Variants in TRPM8 observed in about 807,000 individuals in gnomAD.
TRPM8 encodes transient receptor potential cation channel subfamily M member 8.
In TRPM8, 110 loss-of-function variants were observed where a neutral mutation model predicts 133.7. The ratio of observed to expected loss-of-function variants is 0.82; its 90% CI spans 0.70 to 0.96. TRPM8 has a LOEUF of 0.96. Ranked by LOEUF, TRPM8 falls within the 40% of genes least tolerant of loss-of-function variation. The probability of loss-of-function intolerance (pLI) is 0.00; values close to 1 mark genes in which losing one functional copy is unlikely to be tolerated. For missense variants in TRPM8, 1,291 were observed against 1,379.5 expected (o/e 0.94, Z 1.02); for synonymous variants, 535 against 532.3 (o/e 1.01, Z -0.07).
chr2:233,952,967 A>C (rs112227352), intron 9 of TRPM8, among the ~76,000 whole-genome samples: 112 of 152,138 alleles, frequency 7.4e-4, no homozygotes, highest in Admixed American at 2.1e-3. Flanking sequence ...TTCAGTCTGA[A>C]CAAAGGCTGC....
At chr2:233,977,228 A>C (rs976998888) in intron 17 of TRPM8, among the ~76,000 whole-genome samples, 9 of 152,198 alleles carry the variant, frequency 5.9e-5, no homozygotes, top group African/African-American at 1.4e-4. Flanking sequence ...AAAATGGATG[A>C]GTCCCATCAT....
intron 4 of TRPM8, 123 bp from the exon 5 acceptor site, chr2:233,938,875 G>T: frequency 3.6e-6 from 4 of 1,098,084 alleles, no homozygotes; most frequent in Non-Finnish European, 5.2e-6. Flanking sequence ...GATCCCTGCT[G>T]CCCCCACCCC....
Position 233,945,876 on chromosome 2 carries a change from C to T in TRPM8, c.720C>T (p.Tyr240=), listed in dbSNP as rs763158931. 1.2e-6 allele frequency: 2 copies of T among 1,613,878 alleles called. No homozygotes were observed. The highest frequency in any genetic ancestry group is 4.5e-5 in the East Asian group (2 of 44,880). Residue 240 remains tyrosine (Y), a synonymous_variant, in exon 7 of 26, where the codon TAC becomes TAT. Coordinates refer to ENST00000324695, the MANE Select transcript of TRPM8 (RefSeq NM_024080.5). ...CDAEGYFLAQ[Y]LMDDFTRDPL... is the part of the protein sequence containing the mutation. ...TTCAGGGCTATTTTTTAGCCCAGTA[C>T]CTTATGGATGACTTCACAAGAGATC...
chr2:233,944,873 GT>G (rs1373951429), intron 6 of TRPM8, among the ~76,000 whole-genome samples: 1 of 152,054 alleles, frequency 6.6e-6, no homozygotes, highest in African/African-American at 2.4e-5. Context: ...CTCATTTGAT[GT>G]TCATAACAAA....
At chr2:234,007,786 GT>G (rs1372028011) in intron 23 of TRPM8, among the ~76,000 whole-genome samples, 3 of 152,170 alleles carry the variant, frequency 2.0e-5, no homozygotes, top group Admixed American at 2.0e-4. Flanking sequence ...TGAGATCTAG[GT>G]TTTGCAAGGG....
chr2:233,926,664 G>A lies in TRPM8; in HGVS notation c.117+10G>A. On this transcript the variant is annotated intron_variant, in intron 2 of 25. Transcript: ENST00000324695. ...GTCTTACAGTGAAAGCGTAAGTCAT[G>A]CGCATCACCTGTTTGAAAGGTTATC... 1 of 1,596,150 alleles carries A rather than the reference G, an allele frequency of 6.3e-7. No individual in the cohort carries two copies. The highest frequency in any genetic ancestry group is 8.6e-7 in the Non-Finnish European group (1 of 1,163,716).
rs542791287 is a variant in TRPM8, at chr2:233,989,802, A to G, written c.2939+3937A>G. ...TTATTCTACATTAAAATTATCGATC[A>G]CAGGGCCTGTGTGGCTTATCAGCGG... On this transcript the variant is annotated intron_variant, in intron 21 of 25. Transcript: ENST00000324695. The surrounding 1 kb of genome is among the most constrained non-coding windows in gnomAD (Gnocchi z 4.2). 7.2e-5 allele frequency among the ~76,000 whole-genome samples: 11 copies of G among 152,326 alleles called. No individual in the cohort carries two copies. Among genetic ancestry groups the G allele is most frequent in the African/African-American group, 2.2e-4 (9 of 41,574 alleles).
At chr2:233,998,326 G>T (rs979635192) in intron 22 of TRPM8, among the ~76,000 whole-genome samples, 1 of 152,160 alleles carries the variant, frequency 6.6e-6, no homozygotes, top group African/African-American at 2.4e-5. Flanking sequence ...CACCAACTAA[G>T]TCATACAATA....
chr2:233,938,008 C>A (rs538261836), intron 4 of TRPM8, among the ~76,000 whole-genome samples: 2 of 152,336 alleles, frequency 1.3e-5, no homozygotes, highest in South Asian at 2.1e-4. Flanking sequence ...TCCTGCAGGG[C>A]CTGGGCCTCT....
intron 17 of TRPM8, among the ~76,000 whole-genome samples, chr2:233,978,806 A>AC (rs1263463032): frequency 6.6e-6 from 1 of 152,146 alleles, no homozygotes; most frequent in Non-Finnish European, 1.5e-5. Flanking sequence ...TGCTGCCCCA[A>AC]CCTGGGGGAT....
chr2:234,008,301 C>T (rs548398460), intron 24 of TRPM8, among the ~76,000 whole-genome samples, 198 bp downstream of exon 24: 1 of 152,324 alleles, frequency 6.6e-6, no homozygotes, highest in East Asian at 1.9e-4. Flanking sequence ...TGAAGTCCCA[C>T]TTCCATGATG....
In TRPM8 at chr2:233,966,334, A is replaced by G. The variant is rs1039461375; in HGVS notation, c.1880-276A>G. On this transcript the variant is annotated intron_variant, in intron 14 of 25. Transcript: ENST00000324695. ...GCCTGAGCCCAGATGGAAGCCCATC[A>G]AAGAGAGGGGCTCCCTCTGTCCAAT... 3.9e-5 allele frequency among the ~76,000 whole-genome samples: 6 copies of G among 152,268 alleles called. No homozygotes were observed. The East Asian group carries it at 1.2e-3, about 29-fold the overall frequency.
chr2:234,010,576 C>A (rs1452591661), intron 24 of TRPM8, among the ~76,000 whole-genome samples: 1 of 152,130 alleles, frequency 6.6e-6, no homozygotes, highest in East Asian at 1.9e-4. Flanking sequence ...TCCATAATAG[C>A]TATATCAACT....
intron 5 of TRPM8, among the ~76,000 whole-genome samples, chr2:233,941,078 G>T (rs1437806133): frequency 1.3e-5 from 2 of 152,188 alleles, no homozygotes; most frequent in Non-Finnish European, 2.9e-5. Flanking sequence ...AGAGTCAATG[G>T]TCTCAGCTGT....
intron 17 of TRPM8, among the ~76,000 whole-genome samples, chr2:233,974,295 G>A (rs529879783): frequency 2.6e-5 from 4 of 152,128 alleles, no homozygotes; most frequent in African/African-American, 7.2e-5. Flanking sequence ...GTGCAATGGC[G>A]TGATCTTGGC....
intron 22 of TRPM8, 66 bp downstream of exon 22, chr2:233,996,582 G>A: frequency 1.4e-6 from 2 of 1,384,550 alleles, no homozygotes; most frequent in Non-Finnish European, 1.0e-6. Flanking sequence ...AGGATGCCTG[G>A]TGTGTATCTC....
intron 1 of TRPM8, among the ~76,000 whole-genome samples, chr2:233,919,101 C>T (rs1166053072): frequency 6.6e-6 from 1 of 151,690 alleles, no homozygotes; most frequent in African/African-American, 2.4e-5. Flanking sequence ...GAAAATGACA[C>T]TTTAGGACTG....
intron 2 of TRPM8, among the ~76,000 whole-genome samples, chr2:233,928,009 G>A (rs1478012051): frequency 2.4e-4 from 30 of 125,646 alleles, no homozygotes; most frequent in East Asian, 9.5e-4. Context: ...TCGCTGTATC[G>A]CCCAGGCTGG....
rs775838484 is a variant in TRPM8 at position 233,953,943 on chromosome 2, C to G, written c.1167C>G (p.His389Gln). ...KWLKEILECS[H>Q]LLTVIKMEEA... ...TCAAAGAAATTCTCGAATGTTCTCA[C>G]CTATTAACAGTTATTAAAATGGAAG... Residue 389 changes from histidine (H) to glutamine (Q), a missense_variant, in exon 10 of 26, where the codon CAC (histidine) becomes CAG (glutamine). By Grantham distance (24) the His-to-Gln change is conservative. This residue lies in a region of TRPM8 where 963 missense variants were observed against 968.9 expected (regional missense o/e 0.99). Transcript: ENST00000324695. 1.9e-6 allele frequency: 3 copies of G among 1,613,754 alleles called. No individual in the cohort carries two copies. The Admixed American group carries it at 5.0e-5, about 27-fold the overall frequency.
Sources: allele counts gnomAD v4.1 joint callset (sites outside exome capture counted in the v4.1 genomes callset), GRCh38; gene constraint gnomAD v4.1.1; regional missense constraint gnomAD v4.1.1; non-coding constraint Gnocchi (gnomAD v3.1); transcripts MANE v1.5; gene names NCBI Gene and HGNC (gene_info 2026-07-23, HGNC 2026-07-21).